The following DDB1 variants were observed in gnomAD, a reference collection of about 807,000 sequenced individuals.
DDB1 encodes the protein DNA damage-binding protein 1.
Under a neutral mutation model 133.1 loss-of-function variants are expected in DDB1, and 18 were observed. The observed-to-expected ratio is 0.14, with a 90% CI of 0.09 to 0.20. DDB1 has a LOEUF of 0.20. Ranked by LOEUF, DDB1 falls within the 10% of genes least tolerant of loss-of-function variation. DDB1 has a pLI of 1.00. For synonymous variants in DDB1, 580 were observed against 550.5 expected, an observed-to-expected ratio of 1.05 and a Z score of -0.75; for missense variants, 828 against 1,459.2, an observed-to-expected ratio of 0.57 and a Z score of 7.05.
At chr11:61,329,301 G>T (rs1856323085) in intron 4 of DDB1, 62 bp downstream of exon 4, 1 of 1,502,962 alleles carries the variant, frequency 6.7e-7, no homozygotes, top group Non-Finnish European at 9.3e-7. Flanking sequence ...ATGCCAGTTA[G>T]CAAAAACAAC....
chr11:61,303,957 G>A lies in DDB1; in HGVS notation c.2740C>T (p.Leu914=), dbSNP rs777194296. ...NHYNNIMALY[L]KTKGDFILVG... ...AGGATGAAGTCGCCCTTGGTCTTCAGGTAGAGGGCCATGATGTTGTTGTAG... is the reference window on the plus strand; with the variant it reads ...AGGATGAAGTCGCCCTTGGTCTTCAAGTAGAGGGCCATGATGTTGTTGTAG... Residue 914 remains leucine (L), a synonymous_variant, in exon 22 of 27, where the codon CTG becomes TTG. Transcript: ENST00000301764. The A allele has an allele frequency of 1.9e-6, 3 of 1,613,986 alleles. No homozygotes were observed. In the Admixed American group the frequency reaches 5.0e-5, roughly 27 times the overall value.
intron 16 of DDB1, among the ~76,000 whole-genome samples, chr11:61,312,301 A>C (rs940616134): frequency 5.3e-5 from 8 of 152,160 alleles, no homozygotes; most frequent in African/African-American, 1.9e-4. Context: ...GATTTTTAAC[A>C]GCTTTCCATT....
Position 61,329,534 on chromosome 11 carries a change from A to C in DDB1, c.378T>G (p.Pro126=). 6.2e-7 allele frequency: 1 copy of C among 1,614,190 alleles called. No individual in the cohort carries two copies. Among genetic ancestry groups the C allele is most frequent in the Non-Finnish European group, 8.5e-7 (1 of 1,180,022 alleles). ...SETGIIGIID[P]ECRMIGLRLY... ...GACGCAGGCCAATCATCCGGCACTC[A>C]GGGTCAATGATGCCAATAATGCCGG... The change falls in exon 4 of 27, where the codon CCT becomes CCG. Residue 126 remains proline (P), a synonymous_variant. Coordinates refer to ENST00000301764, the MANE Select transcript of DDB1 (RefSeq NM_001923.5).
chr11:61,300,307 C>A, intron 26 of DDB1, 88 bp from the exon 27 acceptor site: 1 of 1,297,608 alleles, frequency 7.7e-7, no homozygotes, highest in South Asian at 1.2e-5. Context: ...GAAGGAGGCA[C>A]AAGACTCCAC....
Position 61,302,672 on chromosome 11 carries a change from A to G in DDB1, c.3022T>C (p.Cys1008Arg). The G allele has an allele frequency of 1.2e-6, 2 of 1,614,244 alleles. No individual in the cohort carries two copies. Among genetic ancestry groups the G allele is most frequent in the Non-Finnish European group, 1.7e-6 (2 of 1,180,044 alleles). Residue 1008 changes from cysteine to arginine, a missense_variant, in exon 24 of 27, where the codon TGC becomes CGC. Physicochemically the swap from Cys to Arg is radical, Grantham distance 180 (BLOSUM62 -3). Transcript: ENST00000301764. ...FHLGEFVNVF[C>R]HGSLVMQNLG... ...TTCTGCATTACCAGAGAGCCGTGGC[A>G]AAAGACATTGACAAACTCGCCCAGG...
chr11:61,311,134 C>T (rs953391485), intron 18 of DDB1: 2 of 152,448 alleles, frequency 1.3e-5, no homozygotes, highest in Non-Finnish European at 2.9e-5. Flanking sequence ...CGCCTGTAAT[C>T]CCAACTACTC....
rs778873072 is a variant in DDB1, at chr11:61,309,771, G to C, written c.2566+25C>G. 6.2e-6 allele frequency: 10 copies of C among 1,602,620 alleles called. No individual in the cohort carries two copies. In the East Asian group the frequency reaches 2.0e-4, roughly 32 times the overall value. ...CTTTCTCAGCATTTCACATCCCTCA[G>C]AAACTGGAGACTGCGCCCACTTACC... On this transcript the variant is annotated intron_variant, in intron 20 of 26. Coordinates refer to ENST00000301764, the MANE Select transcript of DDB1 (RefSeq NM_001923.5).
At chr11:61,320,118 T>C (rs372771142) in intron 10 of DDB1, among the ~76,000 whole-genome samples, 1 of 152,216 alleles carries the variant, frequency 6.6e-6, no homozygotes, top group African/African-American at 2.4e-5. Flanking sequence ...ATTTGTATTG[T>C]CTATAGTAGT....
chr11:61,311,851 G>A lies in DDB1; in HGVS notation c.2210C>T (p.Ser737Phe), dbSNP rs1303036997. 1 of 1,614,048 alleles carries A rather than the reference G, an allele frequency of 6.2e-7. No homozygotes were observed. Among genetic ancestry groups the A allele is most frequent in the Non-Finnish European group, 8.5e-7 (1 of 1,180,034 alleles). Residue 737 changes from serine (S) to phenylalanine (F), a missense_variant, in exon 18 of 27, where the codon TCC becomes TTC. Physicochemically the swap from Ser to Phe is radical, Grantham distance 155 (BLOSUM62 -2). Transcript: ENST00000301764. ...CGTGTCTTGGACTTCAATGCGGCTG[G>A]AGAGGACCCCGAAACACTGGGACAC... is the stretch of plus-strand genomic sequence containing the variant. ...QEVSQCFGVLSSRIEVQDTSG... is the reference protein window; with the variant it reads ...QEVSQCFGVLFSRIEVQDTSG...
intron 1 of DDB1, 137 bp downstream of exon 1, chr11:61,332,771 G>A (rs1037577320): frequency 5.8e-6 from 4 of 691,214 alleles, no homozygotes; most frequent in Non-Finnish European, 8.6e-6. Flanking sequence ...GGTGCTGGGG[G>A]AGGTTCCTCG....
intron 6 of DDB1, among the ~76,000 whole-genome samples, chr11:61,325,306 C>T (rs1291242978): frequency 6.6e-6 from 1 of 152,162 alleles, no homozygotes; most frequent in Non-Finnish European, 1.5e-5. Flanking sequence ...CCACTGCATT[C>T]TAGCTCTCCA....
chr11:61,307,816 C>CCT (rs28720339), intron 21 of DDB1, among the ~76,000 whole-genome samples: 23,789 of 152,060 alleles, frequency 0.16, 5,540 homozygotes, highest in African/African-American at 0.51. Context: ...AGCCAAAACC[C>CCT]GACCCTTTAT....
At chr11:61,307,106 G>C (rs557611937) in intron 21 of DDB1, among the ~76,000 whole-genome samples, 1 of 152,234 alleles carries the variant, frequency 6.6e-6, no homozygotes, top group Admixed American at 6.5e-5. Context: ...CCTTTTGCCT[G>C]GCCAAGAACA....
chr11:61,329,227 T>A (rs1228245452), intron 4 of DDB1, 136 bp downstream of exon 4: 2 of 801,852 alleles, frequency 2.5e-6, no homozygotes, highest in African/African-American at 3.4e-5. Context: ...ATATTAATTG[T>A]GTTGTTCAAA....
intron 18 of DDB1, 164 bp from the exon 19 acceptor site, chr11:61,310,582 TGTA>T: frequency 1.4e-6 from 1 of 696,784 alleles, no homozygotes. Context: ...AGAGGAGGCA[TGTA>T]GTTGAAACAT....
chr11:61,332,230 T>C (rs990513386), intron 1 of DDB1: 9 of 157,568 alleles, frequency 5.7e-5, no homozygotes, highest in Non-Finnish European at 7.0e-5. Flanking sequence ...AGTTTTGTTT[T>C]GGAATCATGA....
intron 10 of DDB1, chr11:61,321,236 T>G (rs1856172623): frequency 6.3e-6 from 1 of 157,650 alleles, no homozygotes; most frequent in South Asian, 2.0e-4. Context: ...AAGATTTATA[T>G]TTTTTATCTA....
At chr11:61,318,400 G>A (rs1309422354) in intron 10 of DDB1, among the ~76,000 whole-genome samples, 1 of 152,096 alleles carries the variant, frequency 6.6e-6, no homozygotes. Context: ...TTCTATAGAG[G>A]ATGCACAAGC....
chr11:61,324,188 G>A (rs1554961836), intron 6 of DDB1, 51 bp from the exon 7 acceptor site: 8 of 1,608,924 alleles, frequency 5.0e-6, no homozygotes, highest in Admixed American at 3.3e-5. Flanking sequence ...TTCTACACCA[G>A]AAAACAAACC....
Sources: allele counts gnomAD v4.1 joint callset (sites outside exome capture counted in the v4.1 genomes callset), GRCh38; gene constraint gnomAD v4.1.1; transcripts MANE v1.5; gene names NCBI Gene and HGNC (gene_info 2026-07-23, HGNC 2026-07-21).